Variants in GPR158 observed in about 807,000 individuals in gnomAD.
GPR158 encodes metabotropic glycine receptor.
In GPR158, 30 loss-of-function variants were observed where a neutral mutation model predicts 78.2. The ratio of observed to expected loss-of-function variants is 0.38; its 90% CI spans 0.29 to 0.52. GPR158 has a LOEUF of 0.52. Ranked by LOEUF, GPR158 falls within the 20% of genes least tolerant of loss-of-function variation. The pLI is 0.83. For synonymous variants in GPR158, 581 were observed against 591.1 expected (o/e 0.98, Z 0.25); for missense variants, 1,463 against 1,523.5 (o/e 0.96, Z 0.66).
chr10:25,194,377 A>G (rs1226607460), intron 1 of GPR158, among the ~76,000 whole-genome samples: 1 of 152,064 alleles, frequency 6.6e-6, no homozygotes, highest in Non-Finnish European at 1.5e-5. Flanking sequence ...CATCTCTACT[A>G]AAAATACAAA....
intron 1 of GPR158, among the ~76,000 whole-genome samples, chr10:25,206,597 CAT>C (rs1485661647): frequency 2.6e-5 from 4 of 152,004 alleles, no homozygotes; most frequent in African/African-American, 7.3e-5. Context: ...TGTTGTAAAA[CAT>C]ATATGTTAAA....
intron 2 of GPR158, among the ~76,000 whole-genome samples, chr10:25,226,674 A>G (rs900285070): frequency 6.6e-6 from 1 of 152,132 alleles, no homozygotes; most frequent in African/African-American, 2.4e-5. Flanking sequence ...ACTAGTGTGA[A>G]ATGTGGTTAT....
At chr10:25,473,583 G>C (rs1434820463) in intron 5 of GPR158, among the ~76,000 whole-genome samples, 3 of 152,002 alleles carry the variant, frequency 2.0e-5, no homozygotes, top group East Asian at 3.9e-4. Flanking sequence ...TCCATCTGGT[G>C]CTGGACTTTT....
intron 1 of GPR158, among the ~76,000 whole-genome samples, chr10:25,205,013 T>C (rs968475332): frequency 2.0e-5 from 3 of 152,006 alleles, no homozygotes; most frequent in Non-Finnish European, 2.9e-5. Flanking sequence ...AGTGAATAAG[T>C]CTCATGAGAC....
In GPR158 at chr10:25,289,593, C is replaced by T. The variant is rs188499639; in HGVS notation, c.1008+68436C>T. On this transcript the variant is annotated intron_variant, in intron 2 of 10. Coordinates refer to ENST00000376351, the MANE Select transcript of GPR158 (RefSeq NM_020752.3). ...GACTACAGGCGCCCACCACCACCCC[C>T]GGCTAATTTTTTGTATTTTTAGTAG... is the stretch of plus-strand genomic sequence containing the variant. Among the ~76,000 whole-genome samples the T allele has an allele frequency of 5.4e-3, 814 of 152,008 alleles. 7 individuals carry two copies. The highest frequency in any genetic ancestry group is 0.019 in the African/African-American group (768 of 41,462).
chr10:25,513,280 T>C (rs1274075119), intron 5 of GPR158, among the ~76,000 whole-genome samples: 1 of 152,014 alleles, frequency 6.6e-6, no homozygotes, highest in Non-Finnish European at 1.5e-5. Context: ...ATTATATATT[T>C]CCAGGAATTT....
At chr10:25,239,441 T>A (rs1207163156) in intron 2 of GPR158, among the ~76,000 whole-genome samples, 1 of 151,806 alleles carries the variant, frequency 6.6e-6, no homozygotes, top group Non-Finnish European at 1.5e-5. Flanking sequence ...ACCCCGTCTC[T>A]GCTAAAAATA....
At chr10:25,311,931 G>T in intron 2 of GPR158, among the ~76,000 whole-genome samples, 1 of 151,886 alleles carries the variant, frequency 6.6e-6, no homozygotes, top group Non-Finnish European at 1.5e-5. Context: ...TGTACATTTT[G>T]TATAAATGTT....
At chr10:25,420,326 AT>A (rs57870778) in intron 4 of GPR158, among the ~76,000 whole-genome samples, 105,688 of 151,300 alleles carry the variant, frequency 0.7, 37,883 homozygotes, top group Non-Finnish European at 0.8. Flanking sequence ...TTTTTGAAAC[AT>A]TTTTTTGTAG....
chr10:25,415,359 T>C lies in GPR158; in HGVS notation c.1335+2886T>C, dbSNP rs561182823. ...ACCAATTTAAAAAGTGAGCCAAGGA[T>C]CTAAATAGACATTTCTCCAAAGAAA... is the stretch of plus-strand genomic sequence containing the variant. On this transcript the variant is annotated intron_variant, in intron 4 of 10. Transcript: ENST00000376351. 7.4e-5 allele frequency among the ~76,000 whole-genome samples: 11 copies of C among 149,104 alleles called. No homozygotes were observed. The South Asian group carries it at 2.0e-3, about 27-fold the overall frequency.
intron 4 of GPR158, among the ~76,000 whole-genome samples, chr10:25,464,395 G>A (rs1371965430): frequency 6.6e-6 from 1 of 152,120 alleles, no homozygotes; most frequent in East Asian, 1.9e-4. Context: ...TGGATCCCAA[G>A]CATTAAACAA....
intron 1 of GPR158, among the ~76,000 whole-genome samples, chr10:25,216,429 C>T (rs1377270967): frequency 2.0e-5 from 3 of 151,854 alleles, no homozygotes; most frequent in Admixed American, 1.3e-4. Flanking sequence ...TCCATTCCTC[C>T]ATAGCAGTTT....
At chr10:25,426,203 G>A (rs1045341100) in intron 4 of GPR158, among the ~76,000 whole-genome samples, 5 of 152,128 alleles carry the variant, frequency 3.3e-5, no homozygotes, top group African/African-American at 1.2e-4. Context: ...TCTGGATTAA[G>A]CTTTGCCTTA....
rs60603738 is a variant in GPR158 at position 25,225,183 on chromosome 10, CT to C, written c.1008+4041del. ...AGATCAGCAGATTTGGAACATTTGC[CT>C]TTTTTTTTTTTTTTGTATAAAGCAA... On this transcript the variant is annotated intron_variant, in intron 2 of 10. Coordinates refer to ENST00000376351, the MANE Select transcript of GPR158 (RefSeq NM_020752.3). 4.2e-3 allele frequency among the ~76,000 whole-genome samples: 560 copies of C among 134,588 alleles called. 1 individual carries two copies. Among genetic ancestry groups the C allele is most frequent in the South Asian group, 7.6e-3 (33 of 4,370 alleles). The allele number at this position is 134,588 out of a possible 152,430, so 88.3% of individuals were successfully genotyped here. A position where few individuals can be genotyped will look rare whatever the true frequency, so the allele number is the denominator to read the frequency against.
chr10:25,355,273 C>G lies in GPR158; in HGVS notation c.1009-40638C>G, dbSNP rs374322184. Among the ~76,000 whole-genome samples the G allele has an allele frequency of 1.2e-4, 18 of 152,028 alleles. No homozygotes were observed. The East Asian group carries it at 3.1e-3, about 26-fold the overall frequency. On this transcript the variant is annotated intron_variant, in intron 2 of 10. Coordinates refer to ENST00000376351, the MANE Select transcript of GPR158 (RefSeq NM_020752.3). ...AAACAGCCTGTCTTTGAGCTTGCTG[C>G]TGCTTTCATCTGCATGAACTATTCT...
chr10:25,560,270 ATTTTT>A (rs1338635515), intron 6 of GPR158, among the ~76,000 whole-genome samples: 2 of 152,004 alleles, frequency 1.3e-5, no homozygotes, highest in Admixed American at 6.6e-5. Flanking sequence ...TTTTCATTTT[ATTTTT>A]ATTTTTTTGA....
chr10:25,188,989 T>A (rs1260724131), intron 1 of GPR158, among the ~76,000 whole-genome samples: 1 of 152,188 alleles, frequency 6.6e-6, no homozygotes, highest in African/African-American at 2.4e-5. Flanking sequence ...GAATGGACCC[T>A]TCTCAAAAGA....
chr10:25,291,467 A>G (rs1228647969), intron 2 of GPR158, among the ~76,000 whole-genome samples: 1 of 152,024 alleles, frequency 6.6e-6, no homozygotes, highest in Non-Finnish European at 1.5e-5. Flanking sequence ...AAGAGGATAC[A>G]ATGGCTTCAA....
intron 2 of GPR158, among the ~76,000 whole-genome samples, chr10:25,326,717 A>G (rs1055983561): frequency 3.9e-5 from 6 of 152,224 alleles, no homozygotes; most frequent in African/African-American, 7.2e-5. Flanking sequence ...AACGTGTTGT[A>G]TACTTGAATA....
Sources: gnomAD v4.1 joint callset for allele counts (sites outside exome capture counted in the v4.1 genomes callset) on GRCh38, gnomAD v4.1.1 for gene constraint, MANE v1.5 for transcripts, NCBI Gene and HGNC (gene_info 2026-07-23, HGNC 2026-07-21) for gene names.